Variants in EBF1 observed in about 807,000 individuals in gnomAD.
The protein encoded by EBF1 is transcription factor COE1.
In EBF1, 10 loss-of-function variants were observed where a neutral mutation model predicts 68.4. That is an observed-to-expected ratio of 0.15 (90% confidence interval 0.09 to 0.25). The LOEUF is 0.25. EBF1 is among the 10% of genes least tolerant of loss of function. The pLI is 1.00. For synonymous variants in EBF1, 298 were observed against 299.8 expected (o/e 0.99, Z 0.06); for missense variants, 509 against 794.4 (o/e 0.64, Z 4.32).
intron 6 of EBF1, among the ~76,000 whole-genome samples, chr5:158,992,785 T>C (rs953693672): frequency 6.6e-6 from 1 of 152,156 alleles, no homozygotes; most frequent in African/African-American, 2.4e-5. Context: ...AACAGCATCA[T>C]GAGATGTTCT....
chr5:158,736,626 C>G (rs889426708), intron 10 of EBF1, among the ~76,000 whole-genome samples: 10 of 152,190 alleles, frequency 6.6e-5, no homozygotes, highest in African/African-American at 2.4e-4. Flanking sequence ...GCACCTGGGT[C>G]TCCAAGCTTC....
chr5:159,007,737 A>G (rs182061553), intron 6 of EBF1, among the ~76,000 whole-genome samples: 7 of 152,308 alleles, frequency 4.6e-5, no homozygotes, highest in Admixed American at 3.9e-4. Flanking sequence ...TTAAATATGC[A>G]TTTATTCTCT....
intron 6 of EBF1, among the ~76,000 whole-genome samples, chr5:158,877,179 G>A (rs1464920057): frequency 6.6e-6 from 1 of 152,150 alleles, no homozygotes; most frequent in Non-Finnish European, 1.5e-5. Context: ...CTGAGAAGGT[G>A]CTGAGAAGAG....
intron 11 of EBF1, among the ~76,000 whole-genome samples, chr5:158,719,925 A>T (rs1456255199): frequency 1.3e-5 from 2 of 152,174 alleles, no homozygotes; most frequent in Non-Finnish European, 2.9e-5. Context: ...AACAGAAAAA[A>T]AAAACTACAA....
At chr5:158,874,805 C>T (rs1263022231) in intron 6 of EBF1, among the ~76,000 whole-genome samples, 2 of 152,212 alleles carry the variant, frequency 1.3e-5, no homozygotes, top group South Asian at 2.1e-4. Flanking sequence ...CAGTGTTTTA[C>T]ACCTACAGTA....
At chr5:158,737,306 C>CG (rs1375595123) in intron 10 of EBF1, among the ~76,000 whole-genome samples, 2 of 78,676 alleles carry the variant, frequency 2.5e-5, no homozygotes, top group East Asian at 7.1e-4. Flanking sequence ...TTTTTTGAGA[C>CG]GGAGTCTCGC....
intron 10 of EBF1, among the ~76,000 whole-genome samples, chr5:158,755,367 G>A (rs997312026): frequency 2.0e-5 from 3 of 152,010 alleles, no homozygotes; most frequent in African/African-American, 7.2e-5. Flanking sequence ...CATTTACCCA[G>A]ATTTCTACCA....
chr5:158,711,117 C>T (rs754876095), intron 14 of EBF1, among the ~76,000 whole-genome samples: 1 of 151,816 alleles, frequency 6.6e-6, no homozygotes, highest in African/African-American at 2.4e-5. Context: ...TTTTCTTTTC[C>T]TTTTTTTTAA....
chr5:158,792,860 GC>G (rs1242263168), intron 9 of EBF1, among the ~76,000 whole-genome samples: 2 of 152,090 alleles, frequency 1.3e-5, no homozygotes, highest in Non-Finnish European at 2.9e-5. Flanking sequence ...ATGAAGGGAA[GC>G]CCTCTTACCT....
intron 6 of EBF1, among the ~76,000 whole-genome samples, chr5:159,063,606 C>T (rs1234486401): frequency 6.6e-6 from 1 of 152,128 alleles, no homozygotes; most frequent in African/African-American, 2.4e-5. Context: ...GTTATACCCC[C>T]AACCCTGAAA....
At chr5:158,947,062 G>C (rs566867191) in intron 6 of EBF1, among the ~76,000 whole-genome samples, 14 of 152,268 alleles carry the variant, frequency 9.2e-5, no homozygotes, top group Admixed American at 3.9e-4. Flanking sequence ...ATCCCAGGTT[G>C]ACTTCAGACT....
At chr5:158,887,842 T>C (rs1417172990) in intron 6 of EBF1, among the ~76,000 whole-genome samples, 1 of 152,228 alleles carries the variant, frequency 6.6e-6, no homozygotes, top group Non-Finnish European at 1.5e-5. Flanking sequence ...CATTCATGTT[T>C]ATGATTCAAA....
chr5:158,946,898 T>G (rs1015300007), intron 6 of EBF1, among the ~76,000 whole-genome samples: 19 of 152,278 alleles, frequency 1.2e-4, no homozygotes, highest in African/African-American at 4.3e-4. Flanking sequence ...AGAGGAGGAA[T>G]CTAGAGAGAC....
intron 6 of EBF1, among the ~76,000 whole-genome samples, chr5:158,934,404 A>G (rs1401418245): frequency 6.6e-6 from 1 of 152,218 alleles, no homozygotes; most frequent in East Asian, 1.9e-4. Context: ...ACTGCATGCC[A>G]TACCACTCTG....
chr5:159,029,273 T>A (rs764065453), intron 6 of EBF1, among the ~76,000 whole-genome samples: 14 of 152,318 alleles, frequency 9.2e-5, no homozygotes, highest in Admixed American at 2.0e-4. Flanking sequence ...GGCAAAGATT[T>A]GAATAAGTGG....
chr5:158,883,543 C>T (rs1044584121), intron 6 of EBF1, among the ~76,000 whole-genome samples: 1 of 152,088 alleles, frequency 6.6e-6, no homozygotes, highest in African/African-American at 2.4e-5. Context: ...GCACTGTGCT[C>T]GCTTGAGTGC....
rs2128019058 is a variant in EBF1, at chr5:159,099,688, T to A, written c.-210A>T. ...TAAACCTCTGCTCAAAACTGAGCGA[T>A]AACCCGAAAAAAAGAAGAAAGGGAA... On this transcript the variant is annotated 5_prime_UTR_variant, in exon 1 of 16. Coordinates refer to ENST00000313708, the MANE Select transcript of EBF1 (RefSeq NM_024007.5). 1 of 433,502 alleles carries A rather than the reference T, an allele frequency of 2.3e-6. No individual in the cohort carries two copies. The highest frequency in any genetic ancestry group is 6.4e-4 in the Middle Eastern group (1 of 1,560). The allele number at this position is 433,502 out of a possible 1,614,324, so 26.9% of individuals were successfully genotyped here.
intron 6 of EBF1, among the ~76,000 whole-genome samples, chr5:159,053,638 C>CA: frequency 2.0e-5 from 3 of 150,276 alleles, no homozygotes; most frequent in South Asian, 4.2e-4. Context: ...CACACACACA[C>CA]CCCAGACATG....
chr5:158,701,387 G>A (rs937160539), intron 15 of EBF1, among the ~76,000 whole-genome samples: 1 of 151,840 alleles, frequency 6.6e-6, no homozygotes, highest in African/African-American at 2.4e-5. Context: ...ATCTAAGCAG[G>A]CTTTTGGTAC....
Sources: allele counts gnomAD v4.1 joint callset (sites outside exome capture counted in the v4.1 genomes callset), GRCh38; gene constraint gnomAD v4.1.1; transcripts MANE v1.5; gene names NCBI Gene and HGNC (gene_info 2026-07-23, HGNC 2026-07-21).